ESRP1: variants seen among roughly 807,000 people sequenced by gnomAD.
ESRP1 encodes epithelial splicing regulatory protein 1, also known as RNA-binding motif protein 35A.
In ESRP1, 33 loss-of-function variants were observed where a neutral mutation model predicts 81.7. The observed-to-expected ratio is 0.40, with a 90% confidence interval of 0.31 to 0.54. The LOEUF is 0.54. Ranked by LOEUF, ESRP1 falls within the 20% of genes least tolerant of loss-of-function variation. The probability of loss-of-function intolerance (pLI) is 0.41; values close to 1 mark genes in which losing one functional copy is unlikely to be tolerated. For missense variants in ESRP1, 672 were observed against 833.1 expected (o/e 0.81, Z 2.38); for synonymous variants, 320 against 303.3 (o/e 1.06, Z -0.57).
intron 6 of ESRP1, among the ~76,000 whole-genome samples, chr8:94,663,271 G>T (rs540440311): frequency 1.1e-4 from 17 of 152,164 alleles, no homozygotes; most frequent in Admixed American, 1.1e-3. Flanking sequence ...TTAGTTTTGA[G>T]ACACTTGCTC....
chr8:94,642,186 C>A, intron 2 of ESRP1, 102 bp downstream of exon 2: 1 of 1,418,370 alleles, frequency 7.1e-7, no homozygotes, highest in Non-Finnish European at 9.4e-7. Context: ...AGCAGGGTGG[C>A]GAGACGCCTG....
In ESRP1 at chr8:94,674,372, A is replaced by G. The variant is rs1201102369; in HGVS notation, c.1517A>G (p.Gln506Arg). 2 of 1,614,054 alleles carry G rather than the reference A, an allele frequency of 1.2e-6. No individual in the cohort carries two copies. Among genetic ancestry groups the G allele is most frequent in the Non-Finnish European group, 1.7e-6 (2 of 1,179,906 alleles). Residue 506 changes from glutamine (Q) to arginine (R), a missense_variant, in exon 12 of 16, where the codon CAG becomes CGG. By Grantham distance (43) the Gln-to-Arg change is conservative. Coordinates refer to ENST00000433389, the MANE Select transcript of ESRP1 (RefSeq NM_017697.4). ...KSADRAFMAAQKCHKKNMKDR... is the reference protein window; with the variant it reads ...KSADRAFMAARKCHKKNMKDR... ...GCGGACAGAGCATTTATGGCTGCAC[A>G]GAAGTGTCATAAAAAAAACATGAAG...
intron 9 of ESRP1, among the ~76,000 whole-genome samples, chr8:94,665,472 C>T (rs1344214536): frequency 6.6e-6 from 1 of 152,080 alleles, no homozygotes; most frequent in Non-Finnish European, 1.5e-5. Context: ...AAGTTGTATG[C>T]ATATGGAAAG....
At chr8:94,663,241 CATTTATTT>C (rs574824430) in intron 6 of ESRP1, among the ~76,000 whole-genome samples, 13 of 152,154 alleles carry the variant, frequency 8.5e-5, no homozygotes, top group African/African-American at 3.1e-4. Context: ...TCTATAAGTA[CATTTATTT>C]ATTTATTTAT....
At chr8:94,693,780 G>C (rs763298471) in intron 14 of ESRP1, among the ~76,000 whole-genome samples, 1 of 152,186 alleles carries the variant, frequency 6.6e-6, no homozygotes, top group Admixed American at 6.5e-5. Context: ...GGGTTTACGA[G>C]CTTGGCATCT....
intron 4 of ESRP1, chr8:94,656,294 C>T (rs1222983172): frequency 6.6e-6 from 1 of 152,166 alleles, no homozygotes; most frequent in Admixed American, 6.5e-5. Context: ...TCCCGGCTCA[C>T]TGCAAGCTCC....
chr8:94,659,632 G>C (rs750994119), intron 4 of ESRP1, among the ~76,000 whole-genome samples: 13 of 152,198 alleles, frequency 8.5e-5, no homozygotes, highest in Non-Finnish European at 1.3e-4. Context: ...AAAGCTAAGG[G>C]AGGCCAAAAG....
chr8:94,686,113 G>C (rs1809128774), intron 13 of ESRP1, among the ~76,000 whole-genome samples: 1 of 152,066 alleles, frequency 6.6e-6, no homozygotes, highest in African/African-American at 2.4e-5. Context: ...ATTTTTAGTA[G>C]AAACAGAGTT....
intron 10 of ESRP1, among the ~76,000 whole-genome samples, chr8:94,669,959 A>G (rs1276345430): frequency 6.6e-6 from 1 of 152,114 alleles, no homozygotes; most frequent in Non-Finnish European, 1.5e-5. Flanking sequence ...GTTTTCAAAC[A>G]TGACAAACAT....
chr8:94,674,839 C>A (rs1023631610), intron 12 of ESRP1, among the ~76,000 whole-genome samples: 1 of 152,164 alleles, frequency 6.6e-6, no homozygotes, highest in Non-Finnish European at 1.5e-5. Flanking sequence ...CATTTAAAGG[C>A]AAAATAAAAG....
rs753525854 is a variant in ESRP1, at chr8:94,668,232, A to C, written c.1215A>C (p.Thr405=). 3 of 1,586,898 alleles carry C rather than the reference A, an allele frequency of 1.9e-6. No individual in the cohort carries two copies. The highest frequency in any genetic ancestry group is 2.6e-6 in the Non-Finnish European group (3 of 1,163,584). The change falls in exon 10 of 16, where the codon ACA becomes ACC. Residue 405 remains threonine (T), a synonymous_variant. Transcript: ENST00000433389. ...GATACATTGAACTCTTCAGGAGCAC[A>C]GCAGCTGAAGTTCAGCAGGTTGGTT... ...GKRYIELFRS[T]AAEVQQVLNR...
intron 6 of ESRP1, 84 bp downstream of exon 6, chr8:94,662,639 G>A: frequency 8.4e-7 from 1 of 1,191,000 alleles, no homozygotes; most frequent in Non-Finnish European, 1.2e-6. Context: ...ACAGAGTCTT[G>A]CTCTGTCGCC....
At chr8:94,691,997 G>T (rs1391483546) in intron 13 of ESRP1, among the ~76,000 whole-genome samples, 1 of 152,082 alleles carries the variant, frequency 6.6e-6, no homozygotes, top group African/African-American at 2.4e-5. Context: ...CATAAAGTTG[G>T]GTGTTTACTT....
intron 4 of ESRP1, among the ~76,000 whole-genome samples, chr8:94,648,444 C>G (rs1817947882): frequency 6.6e-6 from 1 of 152,126 alleles, no homozygotes; most frequent in Non-Finnish European, 1.5e-5. Context: ...TCTAGGCTAC[C>G]AGACCAATTT....
intron 15 of ESRP1, among the ~76,000 whole-genome samples, chr8:94,703,470 T>C (rs911870082): frequency 1.3e-5 from 2 of 152,096 alleles, no homozygotes; most frequent in Admixed American, 1.3e-4. Flanking sequence ...TGTTACACAG[T>C]CAAACTCCAC....
At chr8:94,657,641 G>A (rs568839043) in intron 4 of ESRP1, among the ~76,000 whole-genome samples, 284 of 152,270 alleles carry the variant, frequency 1.9e-3, no homozygotes, top group African/African-American at 6.4e-3. Context: ...GTGTTATGTG[G>A]CACCAAGGTA....
intron 1 of ESRP1, 67 bp downstream of exon 1, chr8:94,641,517 G>T (rs1817586460): frequency 5.6e-6 from 9 of 1,601,828 alleles, no homozygotes; most frequent in Middle Eastern, 3.3e-4. Flanking sequence ...AGGTTTGGGC[G>T]GGGAGGGGGG....
rs1217321248 is a variant in ESRP1 at position 94,662,308 on chromosome 8, A to G, written c.527A>G (p.Tyr176Cys). ...GAGAAGAGTAGTTCAGTCTCTCGATATGGAGCCTCTCAAGTTGAAGATATG... is the reference window on the plus strand; with the variant it reads ...GAGAAGAGTAGTTCAGTCTCTCGATGTGGAGCCTCTCAAGTTGAAGATATG... ...NFEKSSSVSR[Y>C]GASQVEDMGN... is the part of the protein sequence containing the mutation. The change falls in exon 5 of 16, where the codon TAT (tyrosine) becomes TGT (cysteine). Residue 176 changes from tyrosine to cysteine, a missense_variant. By Grantham distance (194) the Tyr-to-Cys change is radical. Transcript: ENST00000433389. 2 of 1,583,868 alleles carry G rather than the reference A, an allele frequency of 1.3e-6. No individual in the cohort carries two copies. Among genetic ancestry groups the G allele is most frequent in the Non-Finnish European group, 1.7e-6 (2 of 1,163,592 alleles).
chr8:94,700,869 T>C (rs1441782066), intron 15 of ESRP1, among the ~76,000 whole-genome samples: 1 of 150,298 alleles, frequency 6.7e-6, no homozygotes, highest in Non-Finnish European at 1.5e-5. Flanking sequence ...GCAGAGCTTG[T>C]AGTGAGCCGA....
Sources: gnomAD v4.1 joint callset for allele counts (sites outside exome capture counted in the v4.1 genomes callset) on GRCh38, gnomAD v4.1.1 for gene constraint, MANE v1.5 for transcripts, NCBI Gene and HGNC (gene_info 2026-07-23, HGNC 2026-07-21) for gene names.